The following PDS5B variants were observed in gnomAD, a reference collection of about 807,000 sequenced individuals.
The protein encoded by PDS5B is PDS5 cohesin associated factor B.
In PDS5B, 51 loss-of-function variants were observed where a neutral mutation model predicts 184.1. That is an observed-to-expected ratio of 0.28 (90% CI 0.22 to 0.35). PDS5B has a LOEUF of 0.35. Among genes scored for constraint, PDS5B ranks in the 10% least tolerant of loss-of-function variants. The probability of loss-of-function intolerance (pLI) is 1.00; values close to 1 mark genes in which losing one functional copy is unlikely to be tolerated. For missense variants in PDS5B, 1,180 were observed against 1,723.3 expected (o/e 0.68, Z 5.58); for synonymous variants, 566 against 569.2 (o/e 0.99, Z 0.08).
Position 32,678,847 on chromosome 13 carries a change from C to T in PDS5B, c.975C>T (p.Ile325=). 1 of 1,589,114 alleles carries T rather than the reference C, an allele frequency of 6.3e-7. No homozygotes were observed. The highest frequency in any genetic ancestry group is 8.6e-7 in the Non-Finnish European group (1 of 1,157,446). Residue 325 remains isoleucine, a synonymous_variant, in exon 10 of 35, where the codon ATC becomes ATT. Coordinates refer to ENST00000315596, the MANE Select transcript of PDS5B (RefSeq NM_015032.4). The stretch of plus-strand genomic sequence containing the variant: ...TATATTTTATCAGGTTTAATGATAT[C>T]CATGTACCAATCCGCCTGGAATGTG... ...WQCYLGRFND[I]HVPIRLECVK...
At chr13:32,696,725 G>C (rs1951717617) in intron 14 of PDS5B, 129 bp from the exon 15 acceptor site, 1 of 659,326 alleles carries the variant, frequency 1.5e-6, no homozygotes, top group Non-Finnish European at 2.7e-6. Context: ...AGATGAAGAA[G>C]GTGACAGTAG....
At chr13:32,636,338 A>G (rs1054685499) in intron 1 of PDS5B, among the ~76,000 whole-genome samples, 1 of 152,230 alleles carries the variant, frequency 6.6e-6, no homozygotes, top group East Asian at 1.9e-4. Flanking sequence ...ACGTATATGA[A>G]GTATCAGAAA....
intron 19 of PDS5B, among the ~76,000 whole-genome samples, chr13:32,726,955 T>TA (rs1449928974): frequency 1.3e-5 from 2 of 152,102 alleles, no homozygotes; most frequent in African/African-American, 2.4e-5. Context: ...ATAAATGTCC[T>TA]AGTTGTCTTT....
rs1954305683 is a variant in PDS5B at position 32,759,635 on chromosome 13, G to A, written c.3317G>A (p.Ser1106Asn). 1 of 1,544,956 alleles carries A rather than the reference G, an allele frequency of 6.5e-7. No homozygotes were observed. Among genetic ancestry groups the A allele is most frequent in the Non-Finnish European group, 8.9e-7 (1 of 1,127,058 alleles). The change falls in exon 29 of 35, where the codon AGT becomes AAT. Residue 1106 changes from serine (S) to asparagine (N), a missense_variant. By Grantham distance (46) the Ser-to-Asn change is conservative. Coordinates refer to ENST00000315596, the MANE Select transcript of PDS5B (RefSeq NM_015032.4). ...TTTTTCTCTTGGTTGTAGAATTTCA[G>A]TAACACCAAAAATTATCTGCCTCCT... The part of the protein sequence containing the change: ...RFFTQPDKNF[S>N]NTKNYLPPEM...
chr13:32,610,929 T>A (rs931409101), intron 1 of PDS5B, among the ~76,000 whole-genome samples: 3 of 152,172 alleles, frequency 2.0e-5, no homozygotes, highest in Non-Finnish European at 4.4e-5. Flanking sequence ...TCAAACCTTT[T>A]AAAACCTTTC....
intron 1 of PDS5B, among the ~76,000 whole-genome samples, chr13:32,630,085 G>A (rs1369371343): frequency 6.6e-6 from 1 of 152,216 alleles, no homozygotes; most frequent in Non-Finnish European, 1.5e-5. Context: ...TCACATCCTT[G>A]AGATATTAGA....
Position 32,773,331 on chromosome 13 carries a change from G to A in PDS5B, c.4308+7G>A. 1 of 1,605,338 alleles carries A rather than the reference G, an allele frequency of 6.2e-7. No individual in the cohort carries two copies. Among genetic ancestry groups the A allele is most frequent in the Non-Finnish European group, 8.5e-7 (1 of 1,176,814 alleles). ...GGAAGTTTCTACAGTAAATGTATGTGTTCAAAGTTTCTGTGAGTGGTGTGG... is the reference window on the plus strand; with the variant it reads ...GGAAGTTTCTACAGTAAATGTATGTATTCAAAGTTTCTGTGAGTGGTGTGG... On this transcript the variant is annotated splice_region_variant and intron_variant, in intron 34 of 34. Coordinates refer to ENST00000315596, the MANE Select transcript of PDS5B (RefSeq NM_015032.4).
At chr13:32,623,243 T>G (rs2058326061) in intron 1 of PDS5B, among the ~76,000 whole-genome samples, 1 of 152,156 alleles carries the variant, frequency 6.6e-6, no homozygotes, top group Non-Finnish European at 1.5e-5. Context: ...AGTAGTGATG[T>G]TATCTATAAG....
chr13:32,674,145 GTTTTGACAT>G (rs1408179008), intron 8 of PDS5B, among the ~76,000 whole-genome samples: 1 of 152,056 alleles, frequency 6.6e-6, no homozygotes, highest in African/African-American at 2.4e-5. Flanking sequence ...GTTCCTAACT[GTTTTGACAT>G]TAAATTATGC....
chr13:32,686,432 G>GA (rs1402005689), intron 11 of PDS5B, among the ~76,000 whole-genome samples: 3 of 151,978 alleles, frequency 2.0e-5, no homozygotes, highest in African/African-American at 4.8e-5. Context: ...ACCACAATTA[G>GA]AAAAAAATTA....
At chr13:32,593,915 A>G (rs1038144279) in intron 1 of PDS5B, among the ~76,000 whole-genome samples, 17 of 152,184 alleles carry the variant, frequency 1.1e-4, no homozygotes, top group African/African-American at 4.1e-4. Flanking sequence ...AAATCCATGT[A>G]TAAATGAACC....
rs733487 is a variant in PDS5B at position 32,741,068 on chromosome 13, G to A, written c.2407-12G>A. On this transcript the variant is annotated splice_polypyrimidine_tract_variant and intron_variant, in intron 21 of 34. Transcript: ENST00000315596. ...AGTCCCTGGTTTTTTTTTTTTTCTCGTTTATTTTTAGCTTCCAGGGAAAAA... is the reference window on the plus strand; with the variant it reads ...AGTCCCTGGTTTTTTTTTTTTTCTCATTTATTTTTAGCTTCCAGGGAAAAA... The A allele has an allele frequency of 0.39, 505,508 of 1,282,406 alleles. 110,197 individuals carry two copies. Among genetic ancestry groups the A allele is most frequent in the Non-Finnish European group, 0.42 (387,586 of 921,494 alleles). 79.4% of individuals were successfully genotyped at this position (1,282,406 alleles called of 1,614,324 possible). A position where few individuals can be genotyped will look rare whatever the true frequency, so the allele number is the denominator to read the frequency against.
intron 1 of PDS5B, among the ~76,000 whole-genome samples, chr13:32,639,066 G>A (rs993399200): frequency 2.5e-5 from 3 of 122,390 alleles, no homozygotes; most frequent in African/African-American, 6.6e-5. Flanking sequence ...ATGGGATATC[G>A]AGTTGACTAC....
intron 30 of PDS5B, 121 bp from the exon 31 acceptor site, chr13:32,764,368 A>G: frequency 2.2e-6 from 1 of 451,870 alleles, no homozygotes; most frequent in Non-Finnish European, 3.9e-6. Context: ...GTAGAATGAA[A>G]CTGATTCATT....
intron 1 of PDS5B, among the ~76,000 whole-genome samples, chr13:32,596,942 C>A (rs1018213620): frequency 6.6e-6 from 1 of 151,752 alleles, no homozygotes; most frequent in Non-Finnish European, 1.5e-5. Context: ...CTTGCCTTAT[C>A]TTTTTTTTAA....
At chr13:32,587,816 C>A (rs1421607956) in intron 1 of PDS5B, among the ~76,000 whole-genome samples, 1 of 152,332 alleles carries the variant, frequency 6.6e-6, no homozygotes, top group South Asian at 2.1e-4. Context: ...TGATCCTACC[C>A]TGTTGATGAA....
At chr13:32,756,419 C>CTT (rs1954182384) in intron 26 of PDS5B, among the ~76,000 whole-genome samples, 1 of 152,158 alleles carries the variant, frequency 6.6e-6, no homozygotes, top group Non-Finnish European at 1.5e-5. Context: ...ACTACTCCTA[C>CTT]TTATTACTTA....
At chr13:32,709,760 A>C (rs1363557911) in intron 18 of PDS5B, among the ~76,000 whole-genome samples, 186 bp from the exon 19 acceptor site, 1 of 152,156 alleles carries the variant, frequency 6.6e-6, no homozygotes, top group Non-Finnish European at 1.5e-5. Context: ...CAATCTTCCT[A>C]CAGAGGAACA....
At chr13:32,656,139 G>A (rs1950506596) in intron 3 of PDS5B, among the ~76,000 whole-genome samples, 1 of 152,076 alleles carries the variant, frequency 6.6e-6, no homozygotes, top group South Asian at 2.1e-4. Context: ...GGTTGTAGGT[G>A]TGTAGCATTA....
Sources: gnomAD v4.1 joint callset for allele counts (sites outside exome capture counted in the v4.1 genomes callset) on GRCh38, gnomAD v4.1.1 for gene constraint, MANE v1.5 for transcripts, NCBI Gene and HGNC (gene_info 2026-07-23, HGNC 2026-07-21) for gene names.